Variants in CSMD1 observed in about 807,000 individuals in gnomAD.
CSMD1 encodes the protein CUB and Sushi multiple domains 1.
In CSMD1, 213 loss-of-function variants were observed where a neutral mutation model predicts 417.5. The ratio of observed to expected loss-of-function variants is 0.51; its 90% CI spans 0.46 to 0.57. The LOEUF is 0.57. Ranked by LOEUF, CSMD1 falls within the 20% of genes least tolerant of loss-of-function variation. The probability of loss-of-function intolerance (pLI) is 0.00; values close to 1 mark genes in which losing one functional copy is unlikely to be tolerated. For missense variants in CSMD1, 6,923 were observed against 4,529.7 expected, an observed-to-expected ratio of 1.53 and a Z score of -15.17; for synonymous variants, 2,862 against 1,736.8, an observed-to-expected ratio of 1.65 and a Z score of -16.11.
In CSMD1 at chr8:4,162,747, G is replaced by C. The variant is rs76396077; in HGVS notation, c.416-130648C>G. Among the ~76,000 whole-genome samples the C allele has an allele frequency of 6.7e-3, 1,014 of 152,220 alleles. 46 individuals are homozygous for C. The East Asian group carries it at 0.1, about 15-fold the overall frequency. ...CCAATCGATGAACTTACATTGGTAA[G>C]TCATTATCATCCAAACCCCCAGTTT... On this transcript the variant is annotated intron_variant, in intron 3 of 69. Coordinates refer to ENST00000635120, the MANE Select transcript of CSMD1 (RefSeq NM_033225.6).
chr8:4,835,962 T>G (rs1325608857), intron 1 of CSMD1, among the ~76,000 whole-genome samples: 1 of 152,132 alleles, frequency 6.6e-6, no homozygotes, highest in Admixed American at 6.6e-5. Flanking sequence ...TTTTGAGAAT[T>G]AATTAGGTAC....
intron 3 of CSMD1, among the ~76,000 whole-genome samples, chr8:4,284,755 C>A (rs1449136624): frequency 2.0e-5 from 3 of 152,120 alleles, no homozygotes; most frequent in Admixed American, 6.5e-5. Context: ...TGATAGCCTT[C>A]TTCTAACCAC....
At chr8:4,506,574 A>C (rs947527104) in intron 2 of CSMD1, among the ~76,000 whole-genome samples, 2 of 152,124 alleles carry the variant, frequency 1.3e-5, no homozygotes, top group Admixed American at 6.5e-5. Context: ...TATTACACGG[A>C]GAGGAAGTCA....
intron 5 of CSMD1, among the ~76,000 whole-genome samples, chr8:3,908,447 TTCGG>T (rs1265127575): frequency 6.6e-6 from 1 of 152,154 alleles, no homozygotes; most frequent in Non-Finnish European, 1.5e-5. Flanking sequence ...CTCGCAGATT[TTCGG>T]TGCACACACA....
At chr8:3,989,052 G>A (rs1428938670) in intron 5 of CSMD1, among the ~76,000 whole-genome samples, 1 of 152,146 alleles carries the variant, frequency 6.6e-6, no homozygotes, top group Admixed American at 6.5e-5. Context: ...CTTTTTCATT[G>A]TAGGGCAGAA....
rs377017264 is a variant in CSMD1, at chr8:4,032,039, G to C, written c.476C>G (p.Thr159Arg). The change falls in exon 4 of 70, where the codon ACG becomes AGG. Residue 159 changes from threonine to arginine, a missense_variant. Thr to Arg is a moderately conservative substitution (Grantham distance 71). Transcript: ENST00000635120. ...GATTTTGTCTCCTATGTTGAATCTC[G>C]TTCCATGCAGAACTCCTTTCAGGAT... ...GEILKGVLHG[T>R]RFNIGDKIRY... 18 of 1,613,852 alleles carry C rather than the reference G, an allele frequency of 1.1e-5. 1 individual carries two copies. Among genetic ancestry groups the C allele is most frequent in the Admixed American group, 5.0e-5 (3 of 60,020 alleles).
intron 22 of CSMD1, among the ~76,000 whole-genome samples, chr8:3,345,035 G>C (rs1384853706): frequency 1.3e-5 from 2 of 152,186 alleles, no homozygotes; most frequent in Non-Finnish European, 2.9e-5. Context: ...AAGAGAAAAG[G>C]TGCAGGTCTC....
chr8:4,351,392 A>G (rs1234765283), intron 3 of CSMD1, among the ~76,000 whole-genome samples: 1 of 152,248 alleles, frequency 6.6e-6, no homozygotes, highest in African/African-American at 2.4e-5. Context: ...TTCTCGTCTC[A>G]TAGCCCATGC....
intron 1 of CSMD1, among the ~76,000 whole-genome samples, chr8:4,965,772 G>T (rs1226405337): frequency 1.3e-5 from 2 of 152,068 alleles, no homozygotes; most frequent in African/African-American, 4.8e-5. Context: ...AGGAAAAACT[G>T]CCCAGAATTC....
At chr8:4,177,446 C>G (rs946295484) in intron 3 of CSMD1, among the ~76,000 whole-genome samples, 3 of 151,942 alleles carry the variant, frequency 2.0e-5, no homozygotes, top group Non-Finnish European at 4.4e-5. Flanking sequence ...TAGAGGGAAA[C>G]TTATAGCACT....
At chr8:3,727,079 GCA>G (rs1802541276) in intron 6 of CSMD1, among the ~76,000 whole-genome samples, 1 of 151,958 alleles carries the variant, frequency 6.6e-6, no homozygotes, top group Non-Finnish European at 1.5e-5. Context: ...AAAGATAATG[GCA>G]TTTAATGTTA....
chr8:3,249,089 G>C (rs564728533), intron 26 of CSMD1, among the ~76,000 whole-genome samples: 1 of 152,122 alleles, frequency 6.6e-6, no homozygotes, highest in Non-Finnish European at 1.5e-5. Flanking sequence ...AATGTTTGTC[G>C]AATGAAGTGT....
At chr8:4,591,469 G>T (rs193058817) in intron 2 of CSMD1, among the ~76,000 whole-genome samples, 15 of 152,336 alleles carry the variant, frequency 9.8e-5, no homozygotes, top group African/African-American at 3.6e-4. Context: ...AATGAGCAGA[G>T]CTATCGAGCT....
intron 3 of CSMD1, among the ~76,000 whole-genome samples, chr8:4,324,165 G>A (rs1799422618): frequency 6.6e-6 from 1 of 152,214 alleles, no homozygotes; most frequent in African/African-American, 2.4e-5. Context: ...ACAAACAGTG[G>A]AAATAGTATA....
In CSMD1 at chr8:3,108,657, G is replaced by A; in HGVS notation, c.6700C>T (p.Leu2234Phe). 6.2e-7 allele frequency: 1 copy of A among 1,613,830 alleles called. No individual in the cohort carries two copies. The change falls in exon 44 of 70, where the codon CTC becomes TTC. Residue 2234 changes from leucine (L) to phenylalanine (F), a missense_variant. Physicochemically the swap from Leu to Phe is conservative, Grantham distance 22 (BLOSUM62 0). Transcript: ENST00000635120. ...TTTGAAAAGTCGCTGTGGAACTTGA[G>A]CAGGACTTGGTTGGTGGAGCTATAC... ...TAYSSTNQVLLKFHSDFSNGG... is the reference protein window; with the variant it reads ...TAYSSTNQVLFKFHSDFSNGG...
chr8:4,356,569 G>C lies in CSMD1; in HGVS notation c.415+63384C>G, dbSNP rs564710120. Reference sequence around the variant, plus strand: ...TAAATATGTTTCATTTTAAATGTCTGTTTCAGTCCATTTTTACCTCTATCC... The same window carrying C: ...TAAATATGTTTCATTTTAAATGTCTCTTTCAGTCCATTTTTACCTCTATCC... On this transcript the variant is annotated intron_variant, in intron 3 of 69. Coordinates refer to ENST00000635120, the MANE Select transcript of CSMD1 (RefSeq NM_033225.6). Among the ~76,000 whole-genome samples, 33 of 152,246 alleles carry C rather than the reference G, an allele frequency of 2.2e-4. 1 individual carries two copies. The highest frequency in any genetic ancestry group is 1.8e-3 in the Admixed American group (27 of 15,286).
chr8:2,953,490 G>T (rs1180216233), intron 65 of CSMD1, among the ~76,000 whole-genome samples: 2 of 145,460 alleles, frequency 1.4e-5, no homozygotes, highest in Non-Finnish European at 3.0e-5. Context: ...CCTGAATAAA[G>T]AAAGTACTAG....
chr8:4,029,858 A>G (rs1797251308), intron 4 of CSMD1, among the ~76,000 whole-genome samples: 1 of 151,980 alleles, frequency 6.6e-6, no homozygotes, highest in East Asian at 1.9e-4. Context: ...AGGCACAAGA[A>G]TTGGGTAAAT....
At chr8:4,639,452 C>G (rs747007431) in intron 1 of CSMD1, among the ~76,000 whole-genome samples, 16 of 152,168 alleles carry the variant, frequency 1.1e-4, no homozygotes, top group Non-Finnish European at 2.2e-4. Flanking sequence ...GGATAACCCA[C>G]TCAAACCCTT....
Sources: allele counts gnomAD v4.1 joint callset (sites outside exome capture counted in the v4.1 genomes callset), GRCh38; gene constraint gnomAD v4.1.1; transcripts MANE v1.5; gene names NCBI Gene and HGNC (gene_info 2026-07-23, HGNC 2026-07-21).